The following PIK3C2G variants were observed in gnomAD, a reference collection of about 807,000 sequenced individuals.
The protein encoded by PIK3C2G is phosphatidylinositol-4-phosphate 3-kinase catalytic subunit type 2 gamma, also known as phosphatidylinositol 3-kinase C2 domain-containing subunit gamma.
In PIK3C2G, 168 loss-of-function variants were observed where a neutral mutation model predicts 181.1. The observed-to-expected ratio is 0.93, with a 90% CI of 0.82 to 1.05. PIK3C2G has a LOEUF of 1.05. Among genes scored for constraint, PIK3C2G ranks in the 50% least tolerant of loss-of-function variants. The pLI, the probability that PIK3C2G is intolerant of heterozygous loss-of-function variation, is 0.00. For synonymous variants in PIK3C2G, 573 were observed against 592.2 expected (o/e 0.97, Z 0.47); for missense variants, 1,869 against 1,732.8 (o/e 1.08, Z -1.40).
chr12:18,441,805 G>A (rs1397715794), intron 18 of PIK3C2G, among the ~76,000 whole-genome samples: 1 of 152,016 alleles, frequency 6.6e-6, no homozygotes. Context: ...TAAAAGTAGG[G>A]GTACAATGTG....
rs140721914 is a variant in PIK3C2G at position 18,642,865 on chromosome 12, G to T, written c.4308+2311G>T. Among the ~76,000 whole-genome samples the T allele has an allele frequency of 2.2e-3, 332 of 151,500 alleles. 2 individuals are homozygous for T. Among genetic ancestry groups the T allele is most frequent in the Middle Eastern group, 6.8e-3 (2 of 292 alleles). Reference sequence around the variant, plus strand: ...TGTATATACTGCATATATATATAGAGAGAGAGAGATTCTCTAAACTGGTAA... The same window carrying T: ...TGTATATACTGCATATATATATAGATAGAGAGAGATTCTCTAAACTGGTAA... On this transcript the variant is annotated intron_variant, in intron 32 of 32. Transcript: ENST00000538779.
At chr12:18,705,366 G>GCCT in the PIK3C2G span, 1 of 1,596,726 alleles carries the variant, frequency 6.3e-7, no homozygotes, top group Non-Finnish European at 8.6e-7. Flanking sequence ...CTAAATAATT[G>GCCT]TAAGGCAATT....
chr12:18,434,002 G>T (rs942660345), intron 18 of PIK3C2G, among the ~76,000 whole-genome samples: 4 of 152,086 alleles, frequency 2.6e-5, no homozygotes, highest in African/African-American at 7.2e-5. Context: ...ATCCATTGGT[G>T]CTGCAGTAAC....
In PIK3C2G at chr12:18,324,741, G is replaced by A. The variant is rs115198357; in HGVS notation, c.1209-294G>A. 6.4e-3 allele frequency among the ~76,000 whole-genome samples: 968 copies of A among 152,190 alleles called. 9 individuals are homozygous for A. Among genetic ancestry groups the A allele is most frequent in the African/African-American group, 0.022 (930 of 41,508 alleles). ...GCTTATGAATCCCTTTGCAACTTAC[G>A]GTTTGAATTAAGAGTAGTTTTATAT... On this transcript the variant is annotated intron_variant, in intron 7 of 32. Transcript: ENST00000538779.
intron 16 of PIK3C2G, among the ~76,000 whole-genome samples, chr12:18,413,398 T>A (rs557515533): frequency 6.6e-6 from 1 of 152,302 alleles, no homozygotes. Flanking sequence ...AAGAATTGAT[T>A]ATTGTACATG....
chr12:18,469,469 C>A (rs1421197230), intron 18 of PIK3C2G, among the ~76,000 whole-genome samples: 1 of 152,072 alleles, frequency 6.6e-6, no homozygotes, highest in Non-Finnish European at 1.5e-5. Flanking sequence ...ATGACCTTTT[C>A]AAAGACATGC....
Position 18,477,313 on chromosome 12 carries a change from T to C in PIK3C2G, c.2505-11136T>C, listed in dbSNP as rs144750195. Among the ~76,000 whole-genome samples the C allele has an allele frequency of 1.2e-4, 18 of 152,290 alleles. No individual in the cohort carries two copies. The East Asian group carries it at 3.3e-3, about 28-fold the overall frequency. ...TTAAACGACAGGACAGACATGATTA[T>C]CATCATTTTACAAATGGAAAGGCTG... is the stretch of plus-strand genomic sequence containing the variant. On this transcript the variant is annotated intron_variant, in intron 18 of 32. Coordinates refer to ENST00000538779, the MANE Select transcript of PIK3C2G (RefSeq NM_001288772.2).
At chr12:18,678,819 G>A in the PIK3C2G span, among the ~76,000 whole-genome samples, 1 of 152,002 alleles carries the variant, frequency 6.6e-6, no homozygotes, top group African/African-American at 2.4e-5. Context: ...GGAAGCCTTT[G>A]TGTGGACATG....
chr12:18,725,854 A>G, the PIK3C2G span, among the ~76,000 whole-genome samples: 1 of 152,080 alleles, frequency 6.6e-6, no homozygotes, highest in South Asian at 2.1e-4. Context: ...TCCTTGAAAA[A>G]GTGTCACCCA....
In PIK3C2G at chr12:18,424,068, C is replaced by G. The variant is rs189596557; in HGVS notation, c.2504+29C>G. 3.3e-3 allele frequency: 4,622 copies of G among 1,387,508 alleles called. 26 individuals carry two copies. The highest frequency in any genetic ancestry group is 3.5e-3 in the Non-Finnish European group (3,414 of 982,674). The allele number at this position is 1,387,508 out of a possible 1,614,324, so 85.9% of individuals were successfully genotyped here. A position where few individuals can be genotyped will look rare whatever the true frequency, so the allele number is the denominator to read the frequency against. On this transcript the variant is annotated intron_variant, in intron 18 of 32. Coordinates refer to ENST00000538779, the MANE Select transcript of PIK3C2G (RefSeq NM_001288772.2). ...AGATTAACTAAATCAGGCAAGGATGCCTTTTTAATTGCCACCTTCTCTATG... is the reference window on the plus strand; with the variant it reads ...AGATTAACTAAATCAGGCAAGGATGGCTTTTTAATTGCCACCTTCTCTATG...
At chr12:18,307,440 A>G (rs1285622174) in intron 5 of PIK3C2G, among the ~76,000 whole-genome samples, 2 of 151,908 alleles carry the variant, frequency 1.3e-5, no homozygotes, top group African/African-American at 4.8e-5. Context: ...AGTTTTATAG[A>G]TGATTATTAA....
chr12:18,558,187 C>G (rs377731831), intron 26 of PIK3C2G, among the ~76,000 whole-genome samples: 1 of 152,060 alleles, frequency 6.6e-6, no homozygotes, highest in East Asian at 1.9e-4. Context: ...AACGAGGAGG[C>G]CAGAAACAGT....
intron 10 of PIK3C2G, 126 bp from the exon 11 acceptor site, chr12:18,346,515 T>C (rs889282670): frequency 1.8e-5 from 10 of 545,188 alleles, no homozygotes; most frequent in South Asian, 6.4e-5. Flanking sequence ...TTCTCTTCAA[T>C]TGGTAAAGGG....
intron 24 of PIK3C2G, among the ~76,000 whole-genome samples, chr12:18,511,355 A>G (rs909756140): frequency 1.3e-5 from 2 of 152,100 alleles, no homozygotes; most frequent in Admixed American, 1.3e-4. Flanking sequence ...GAGCGAGATT[A>G]TTCGGTCATA....
intron 8 of PIK3C2G, among the ~76,000 whole-genome samples, chr12:18,334,609 C>T (rs904739951): frequency 2.0e-5 from 3 of 151,690 alleles, no homozygotes; most frequent in Non-Finnish European, 4.4e-5. Context: ...ATGTTATGCA[C>T]CCAGTGTTCA....
chr12:18,637,398 A>AT (rs1156464191), intron 31 of PIK3C2G, among the ~76,000 whole-genome samples: 42 of 27,400 alleles, frequency 1.5e-3, no homozygotes, highest in East Asian at 0.011. Flanking sequence ...CTTGACCTAG[A>AT]TATTTTTTTT....
At chr12:18,551,578 G>A (rs138548784) in intron 26 of PIK3C2G, among the ~76,000 whole-genome samples, 41 of 152,126 alleles carry the variant, frequency 2.7e-4, no homozygotes, top group Non-Finnish European at 4.9e-4. Context: ...TGATCTGCTC[G>A]TCAGCTAAAA....
At chr12:18,675,666 T>G in the PIK3C2G span, among the ~76,000 whole-genome samples, 7 of 152,130 alleles carry the variant, frequency 4.6e-5, no homozygotes, top group Non-Finnish European at 8.8e-5. Flanking sequence ...GATATATATA[T>G]CTATACCATG....
chr12:18,298,533 AG>A (rs568432640), intron 5 of PIK3C2G, among the ~76,000 whole-genome samples: 202 of 151,662 alleles, frequency 1.3e-3, no homozygotes, highest in African/African-American at 4.0e-3. Flanking sequence ...TTTGCTATGC[AG>A]GAGCTTTTTA....
Sources: allele counts gnomAD v4.1 joint callset (sites outside exome capture counted in the v4.1 genomes callset), GRCh38; gene constraint gnomAD v4.1.1; transcripts MANE v1.5; gene names NCBI Gene and HGNC (gene_info 2026-07-23, HGNC 2026-07-21).